Variants in RAI14 observed in about 807,000 individuals in gnomAD.
The protein encoded by RAI14 is ankycorbin.
Under a neutral mutation model 115.4 loss-of-function variants are expected in RAI14, and 45 were observed. The observed-to-expected ratio is 0.39, with a 90% CI of 0.31 to 0.50. RAI14 has a LOEUF of 0.50. Among genes scored for constraint, RAI14 ranks in the 20% least tolerant of loss-of-function variants. RAI14 has a pLI of 0.85. For missense variants in RAI14, 939 were observed against 1,131.2 expected, an observed-to-expected ratio of 0.83 and a Z score of 2.44; for synonymous variants, 371 against 415.4, an observed-to-expected ratio of 0.89 and a Z score of 1.30.
chr5:34,660,524 A>G (rs1226304350), intron 1 of RAI14, among the ~76,000 whole-genome samples: 1 of 152,220 alleles, frequency 6.6e-6, no homozygotes, highest in Middle Eastern at 3.2e-3. Context: ...ATTCTTGTGC[A>G]GAAACCTTTT....
intron 2 of RAI14, among the ~76,000 whole-genome samples, chr5:34,699,683 A>G (rs1739793397): frequency 6.6e-6 from 1 of 152,140 alleles, no homozygotes; most frequent in Non-Finnish European, 1.5e-5. Context: ...ATTCAGCCAT[A>G]ACTCTTGTCC....
chr5:34,674,581 CT>C (rs1034750048), intron 1 of RAI14, among the ~76,000 whole-genome samples: 1 of 139,256 alleles, frequency 7.2e-6, no homozygotes, highest in African/African-American at 3.0e-5. Context: ...TGAATCGGAT[CT>C]TTTGTTTTTT....
intron 1 of RAI14, among the ~76,000 whole-genome samples, chr5:34,679,226 C>T (rs896626855): frequency 1.3e-5 from 2 of 152,194 alleles, no homozygotes; most frequent in African/African-American, 2.4e-5. Context: ...AGTAAGAGCC[C>T]TGTTACCAGT....
chr5:34,808,635 C>A lies in RAI14; in HGVS notation c.431C>A (p.Pro144His). The A allele has an allele frequency of 6.2e-7, 1 of 1,614,136 alleles. No individual in the cohort carries two copies. The highest frequency in any genetic ancestry group is 1.1e-5 in the South Asian group (1 of 91,082). The change falls in exon 7 of 18, where the codon CCC becomes CAC. Residue 144 changes from proline (P) to histidine (H), a missense_variant. Transcript: ENST00000265109. ...AVQILCEHKSPINLKDLDGNI... is the reference protein window; with the variant it reads ...AVQILCEHKSHINLKDLDGNI... The stretch of plus-strand genomic sequence containing the variant: ...CAGATTCTCTGCGAACACAAGAGCC[C>A]CATAAACCTCAAAGATTTGGTAAGT...
At chr5:34,665,213 T>G (rs2149845938) in intron 1 of RAI14, among the ~76,000 whole-genome samples, 2 of 73,064 alleles carry the variant, frequency 2.7e-5, no homozygotes, top group Admixed American at 1.4e-4. Flanking sequence ...ACACCACAGT[T>G]TCTTTATCCA....
At chr5:34,740,151 T>G (rs370436562) in intron 2 of RAI14, among the ~76,000 whole-genome samples, 75 of 152,296 alleles carry the variant, frequency 4.9e-4, no homozygotes, top group African/African-American at 1.6e-3. Context: ...AAAATGTAAG[T>G]GATAAGAAGT....
intron 1 of RAI14, among the ~76,000 whole-genome samples, chr5:34,670,203 T>G (rs1005473712): frequency 1.3e-5 from 2 of 152,204 alleles, no homozygotes; most frequent in Non-Finnish European, 2.9e-5. Context: ...TTTTTTCTAT[T>G]AAGTACTAAA....
intron 2 of RAI14, among the ~76,000 whole-genome samples, chr5:34,723,856 G>A (rs1220904404): frequency 6.6e-6 from 1 of 152,126 alleles, no homozygotes. Flanking sequence ...CATTACGTGT[G>A]ATATAGGCTG....
At position 34,823,698 on chromosome 5, in the gene RAI14, T is replaced by C. The variant is rs1286352674; in HGVS notation, c.1856T>C (p.Met619Thr). The change falls in exon 15 of 18, where the codon ATG becomes ACG. Residue 619 changes from methionine (M) to threonine (T), a missense_variant. Physicochemically the swap from Met to Thr is moderately conservative, Grantham distance 81 (BLOSUM62 -1). Coordinates refer to ENST00000265109, the MANE Select transcript of RAI14 (RefSeq NM_015577.3). The surrounding 1 kb of genome is among the most constrained non-coding windows in gnomAD (Gnocchi z 4.5). The stretch of plus-strand genomic sequence containing the variant: ...TTAAAAGACACACTAAAAAGTCAGA[T>C]GACACAGGAAGCCAGTGATGAAGCT... ...MKLKDTLKSQ[M>T]TQEASDEAED... is the part of the protein sequence containing the mutation. The C allele has an allele frequency of 1.2e-6, 2 of 1,614,100 alleles. No homozygotes were observed. The highest frequency in any genetic ancestry group is 1.7e-5 in the Admixed American group (1 of 60,014).
intron 2 of RAI14, among the ~76,000 whole-genome samples, chr5:34,742,596 C>T (rs989883999): frequency 3.9e-5 from 6 of 151,900 alleles, no homozygotes; most frequent in Non-Finnish European, 7.4e-5. Context: ...AAACATTTGA[C>T]GTGTGCAGCA....
intron 1 of RAI14, among the ~76,000 whole-genome samples, chr5:34,666,539 G>A (rs1743236503): frequency 6.6e-6 from 1 of 152,226 alleles, no homozygotes; most frequent in Non-Finnish European, 1.5e-5. Flanking sequence ...TGCTCTTCTG[G>A]AGGAAAACAT....
chr5:34,685,555 C>G (rs1744774467), intron 1 of RAI14: 1 of 149,330 alleles, frequency 6.7e-6, no homozygotes, highest in Non-Finnish European at 1.5e-5. Flanking sequence ...ACCTATACCC[C>G]CCAAACTATT....
chr5:34,827,008 A>C lies in RAI14; in HGVS notation c.2799+529A>C, dbSNP rs572526745. 1.3e-5 allele frequency among the ~76,000 whole-genome samples: 2 copies of C among 152,342 alleles called. No homozygotes were observed. Among genetic ancestry groups the C allele is most frequent in the African/African-American group, 4.8e-5 (2 of 41,570 alleles). Reference sequence around the variant, plus strand: ...AGTGTATTATTTTACAGTTGCATTGAACTGAATTCCAAAATCACTTTCACT... The same window carrying C: ...AGTGTATTATTTTACAGTTGCATTGCACTGAATTCCAAAATCACTTTCACT... On this transcript the variant is annotated intron_variant, in intron 16 of 17. Transcript: ENST00000265109. This position sits in a 1 kb window ranked among gnomAD's most constrained non-coding sequence, Gnocchi z 4.2.
At chr5:34,671,556 T>A (rs928073905) in intron 1 of RAI14, among the ~76,000 whole-genome samples, 4 of 152,234 alleles carry the variant, frequency 2.6e-5, no homozygotes, top group South Asian at 4.1e-4. Context: ...AAAATCTTAA[T>A]CATTACTGTC....
intron 2 of RAI14, among the ~76,000 whole-genome samples, chr5:34,750,865 T>A (rs1169830872): frequency 6.8e-6 from 1 of 147,492 alleles, no homozygotes; most frequent in Non-Finnish European, 1.5e-5. Flanking sequence ...TTTTTTTTTT[T>A]TTTTGAGGTG....
In RAI14 at chr5:34,770,357, A is replaced by G. The variant is rs535190738; in HGVS notation, c.167+12759A>G. ...GTGTGCCTTGACGTGAGAAAACTCA[A>G]AAAGTTCAGGCTAAAAAAGCAAATT... On this transcript the variant is annotated intron_variant, in intron 3 of 17. Coordinates refer to ENST00000265109, the MANE Select transcript of RAI14 (RefSeq NM_015577.3). 5.8e-4 allele frequency among the ~76,000 whole-genome samples: 88 copies of G among 152,348 alleles called. 1 individual carries two copies. In the South Asian group the frequency reaches 8.9e-3, roughly 15 times the overall value.
intron 17 of RAI14, among the ~76,000 whole-genome samples, chr5:34,830,184 A>AT (rs1486218617): frequency 6.6e-6 from 1 of 152,104 alleles, no homozygotes; most frequent in Non-Finnish European, 1.5e-5. Context: ...GGGCTTTGCC[A>AT]TGTTGCCCAG....
intron 1 of RAI14, among the ~76,000 whole-genome samples, chr5:34,680,392 G>T (rs1032518721): frequency 6.6e-6 from 1 of 152,198 alleles, no homozygotes; most frequent in Non-Finnish European, 1.5e-5. Flanking sequence ...GACCACAAGA[G>T]CAAGCCTAGC....
chr5:34,804,321 A>G (rs918199825), intron 5 of RAI14, among the ~76,000 whole-genome samples: 1 of 152,186 alleles, frequency 6.6e-6, no homozygotes, highest in African/African-American at 2.4e-5. Context: ...CTTGCCAGGA[A>G]GTTTGTAATG....
Sources: gnomAD v4.1 joint callset for allele counts (sites outside exome capture counted in the v4.1 genomes callset) on GRCh38, gnomAD v4.1.1 for gene constraint, Gnocchi (gnomAD v3.1) non-coding constraint, MANE v1.5 for transcripts, NCBI Gene and HGNC (gene_info 2026-07-23, HGNC 2026-07-21) for gene names.